Variants in ST8SIA1 observed in about 807,000 individuals in gnomAD.
ST8SIA1 encodes alpha-N-acetylneuraminide alpha-2,8-sialyltransferase.
A neutral mutation model predicts 35.9 loss-of-function variants in ST8SIA1; 16 were observed. The ratio of observed to expected loss-of-function variants is 0.45; its 90% CI spans 0.30 to 0.68. The LOEUF is 0.68. Among genes scored for constraint, ST8SIA1 ranks in the 30% least tolerant of loss-of-function variants. The pLI, the probability that ST8SIA1 is intolerant of heterozygous loss-of-function variation, is 0.09. For missense variants in ST8SIA1, 383 were observed against 453.6 expected (o/e 0.84, Z 1.41); for synonymous variants, 170 against 169.6 (o/e 1.00, Z -0.02).
chr12:22,275,194 G>A (rs1865954924), intron 2 of ST8SIA1, among the ~76,000 whole-genome samples: 3 of 152,180 alleles, frequency 2.0e-5, no homozygotes, highest in Non-Finnish European at 4.4e-5. Context: ...ATGTACAAAT[G>A]TGAAGACAAA....
chr12:22,283,370 T>C (rs1239304991), intron 2 of ST8SIA1, among the ~76,000 whole-genome samples: 1 of 152,152 alleles, frequency 6.6e-6, no homozygotes, highest in Admixed American at 6.5e-5. Flanking sequence ...GTGTCCTTCC[T>C]TGGCAAGATA....
chr12:22,276,864 A>G (rs1442595730), intron 2 of ST8SIA1, among the ~76,000 whole-genome samples: 1 of 152,018 alleles, frequency 6.6e-6, no homozygotes, highest in Non-Finnish European at 1.5e-5. Context: ...GAAAAAAAAA[A>G]GGCCACCGTT....
intron 1 of ST8SIA1, among the ~76,000 whole-genome samples, chr12:22,308,126 A>G (rs1293124327): frequency 6.6e-6 from 1 of 152,206 alleles, no homozygotes; most frequent in East Asian, 1.9e-4. Flanking sequence ...TGCTTTAAAG[A>G]AATGGAAATA....
At chr12:22,261,555 T>C (rs982330268) in intron 2 of ST8SIA1, among the ~76,000 whole-genome samples, 6 of 152,220 alleles carry the variant, frequency 3.9e-5, no homozygotes, top group Admixed American at 3.3e-4. Context: ...ACAGATGAGA[T>C]GATCAACAAA....
chr12:22,229,531 G>T (rs541216456), intron 4 of ST8SIA1, among the ~76,000 whole-genome samples: 2 of 149,804 alleles, frequency 1.3e-5, no homozygotes, highest in Admixed American at 1.3e-4. Context: ...TGGGAGGATT[G>T]CTTGAGCCCA....
chr12:22,331,071 G>A (rs1354645053), intron 1 of ST8SIA1, among the ~76,000 whole-genome samples: 1 of 152,128 alleles, frequency 6.6e-6, no homozygotes, highest in African/African-American at 2.4e-5. Flanking sequence ...GTTTGACAAG[G>A]TTCTTCTCTG....
intron 4 of ST8SIA1, among the ~76,000 whole-genome samples, chr12:22,211,585 C>T (rs16924758): frequency 0.21 from 31,336 of 152,112 alleles, 3,530 homozygotes; most frequent in South Asian, 0.33. Flanking sequence ...ATCTGTAATG[C>T]TTTTAATTTT....
chr12:22,212,090 A>G (rs951619904), intron 4 of ST8SIA1, among the ~76,000 whole-genome samples: 3 of 152,118 alleles, frequency 2.0e-5, no homozygotes, highest in Admixed American at 2.0e-4. Context: ...ATATTCTTAT[A>G]ATGTTGTCTG....
At chr12:22,267,897 C>A (rs999666359) in intron 2 of ST8SIA1, among the ~76,000 whole-genome samples, 1 of 152,274 alleles carries the variant, frequency 6.6e-6, no homozygotes, top group Middle Eastern at 3.4e-3. Context: ...TTCCCTAGAA[C>A]CTTCCCTGAC....
At chr12:22,223,509 C>T in intron 4 of ST8SIA1, 1 of 1,010,708 alleles carries the variant, frequency 9.9e-7, no homozygotes, top group African/African-American at 1.7e-5. Context: ...CAGCCAATGT[C>T]ATGTACCTGT....
intron 4 of ST8SIA1, among the ~76,000 whole-genome samples, chr12:22,243,903 CGCCT>C: frequency 6.6e-6 from 1 of 152,088 alleles, no homozygotes; most frequent in East Asian, 1.9e-4. Context: ...TGGTGGCACA[CGCCT>C]GTAATCCCAG....
At chr12:22,303,436 G>C (rs2135826501) in intron 1 of ST8SIA1, among the ~76,000 whole-genome samples, 1 of 152,232 alleles carries the variant, frequency 6.6e-6, no homozygotes, top group African/African-American at 2.4e-5. Flanking sequence ...TTCCAACAGG[G>C]AAGATGAATT....
intron 2 of ST8SIA1, among the ~76,000 whole-genome samples, chr12:22,274,326 G>T (rs1262173728): frequency 1.3e-5 from 2 of 152,196 alleles, no homozygotes; most frequent in Admixed American, 1.3e-4. Flanking sequence ...ATGGACTGGA[G>T]AAGAGGCCAG....
At chr12:22,320,985 AAG>A (rs1206723947) in intron 1 of ST8SIA1, among the ~76,000 whole-genome samples, 1 of 120,090 alleles carries the variant, frequency 8.3e-6, no homozygotes, top group African/African-American at 3.6e-5. Flanking sequence ...GAAAGAAAGA[AAG>A]AAAGAAAGAA....
chr12:22,207,468 T>C (rs533022859), intron 4 of ST8SIA1, among the ~76,000 whole-genome samples: 10 of 152,236 alleles, frequency 6.6e-5, no homozygotes, highest in East Asian at 1.9e-4. Context: ...TGTTTTCACA[T>C]GTGACAAAAA....
chr12:22,297,910 G>C (rs559478141), intron 1 of ST8SIA1, among the ~76,000 whole-genome samples: 116 of 152,230 alleles, frequency 7.6e-4, no homozygotes, highest in Non-Finnish European at 1.4e-3. Flanking sequence ...GCCAAAGCGG[G>C]ATTACAGGAT....
intron 4 of ST8SIA1, chr12:22,223,890 C>A: frequency 1.1e-6 from 1 of 931,002 alleles, no homozygotes; most frequent in Non-Finnish European, 1.3e-6. Context: ...GTTATATCTT[C>A]TTTTGCTTTC....
chr12:22,265,518 T>C (rs1420283749), intron 2 of ST8SIA1, among the ~76,000 whole-genome samples: 2 of 152,248 alleles, frequency 1.3e-5, no homozygotes, highest in Non-Finnish European at 2.9e-5. Context: ...TTATTTAACC[T>C]TAGGGCCTTA....
intron 1 of ST8SIA1, among the ~76,000 whole-genome samples, chr12:22,328,425 G>T (rs1483408117): frequency 6.6e-6 from 1 of 152,162 alleles, no homozygotes; most frequent in Non-Finnish European, 1.5e-5. Flanking sequence ...AGCAGGGAAG[G>T]CAGGCAAGTG....
Sources: gnomAD v4.1 joint callset for allele counts (sites outside exome capture counted in the v4.1 genomes callset) on GRCh38, gnomAD v4.1.1 for gene constraint, MANE v1.5 for transcripts, NCBI Gene and HGNC (gene_info 2026-07-23, HGNC 2026-07-21) for gene names.